The following ENOSF1 variants were observed in gnomAD, a reference collection of about 807,000 sequenced individuals.
ENOSF1 encodes the protein mitochondrial enolase superfamily member 1.
A neutral mutation model predicts 68.2 loss-of-function variants in ENOSF1; 73 were observed. The ratio of observed to expected loss-of-function variants is 1.07; its 90% CI spans 0.89 to 1.30. ENOSF1 has a LOEUF of 1.30. Among genes scored for constraint, ENOSF1 ranks in the 50% most tolerant of loss-of-function variants. The pLI is 0.00. For synonymous variants in ENOSF1, 223 were observed against 210.4 expected (o/e 1.06, Z -0.52); for missense variants, 589 against 554.5 (o/e 1.06, Z -0.62).
intron 5 of ENOSF1, 112 bp from the exon 6 acceptor site, chr18:691,388 C>A: frequency 1.2e-6 from 1 of 859,754 alleles, no homozygotes; most frequent in African/African-American, 1.7e-5. Flanking sequence ...CTCTGTTGCC[C>A]AGGCTGGAGT....
downstream of ENOSF1, among the ~76,000 whole-genome samples, chr18:667,358 TGATGGA>T (rs1318751891): frequency 3.1e-4 from 8 of 25,414 alleles, no homozygotes; most frequent in South Asian, 5.0e-3. Flanking sequence ...ATGGTGATGG[TGATGGA>T]GATGGTGATG....
intron 1 of ENOSF1, chr18:712,252 C>T (rs1476831126): frequency 6.6e-7 from 1 of 1,520,166 alleles, no homozygotes; most frequent in Non-Finnish European, 8.8e-7. Flanking sequence ...CCCCCAGGCG[C>T]GCCTCCCACT....
chr18:685,356 A>T (rs935316645), intron 10 of ENOSF1, among the ~76,000 whole-genome samples: 9 of 143,630 alleles, frequency 6.3e-5, no homozygotes, highest in Non-Finnish European at 1.1e-4. Flanking sequence ...TGACTTCATT[A>T]AAAAAAAAAA....
chr18:693,940 A>T (rs565248240), intron 4 of ENOSF1, 32 bp from the exon 5 acceptor site: 3 of 1,612,248 alleles, frequency 1.9e-6, no homozygotes, highest in Non-Finnish European at 2.5e-6. Context: ...TTTGTAAGAC[A>T]TATGTGTAAA....
Position 706,574 on chromosome 18 carries a change from G to A in ENOSF1, c.89C>T (p.Thr30Met), listed in dbSNP as rs140842890. The change falls in exon 2 of 16, where the codon ACG (threonine) becomes ATG (methionine). Residue 30 changes from threonine (T) to methionine (M), a missense_variant. Thr to Met is a moderately conservative substitution (Grantham distance 81). Transcript: ENST00000647584. ...LGGHGADAMH[T>M]DPDYSAAYVV... ...ATAGGCAGCCGAGTAGTCAGGGTCC[G>A]TGTGCTGCAGGAGAAGAGTTCCCCG... 8.7e-5 allele frequency: 141 copies of A among 1,612,056 alleles called. No individual in the cohort carries two copies. Among genetic ancestry groups the A allele is most frequent in the African/African-American group, 6.7e-4 (50 of 74,912 alleles).
intron 10 of ENOSF1, 124 bp downstream of exon 10, chr18:685,797 C>T (rs2847329): frequency 0.58 from 464,912 of 794,744 alleles, 137,812 homozygotes; most frequent in African/African-American, 0.79. Flanking sequence ...ACTGCAAGAC[C>T]ACAGAAGTGT....
At chr18:704,583 T>C (rs1169339009) in intron 2 of ENOSF1, among the ~76,000 whole-genome samples, 4 of 151,344 alleles carry the variant, frequency 2.6e-5, no homozygotes, top group Non-Finnish European at 5.9e-5. Context: ...GCTCCTTGTA[T>C]GTGGGATTCT....
chr18:679,058 C>T (rs943610819), intron 11 of ENOSF1, among the ~76,000 whole-genome samples: 4 of 152,148 alleles, frequency 2.6e-5, no homozygotes, highest in Non-Finnish European at 5.9e-5. Flanking sequence ...CTCCAGCCTG[C>T]GCAGTGGCAT....
intron 11 of ENOSF1, among the ~76,000 whole-genome samples, chr18:681,748 C>G (rs1299112492): frequency 2.0e-5 from 3 of 152,204 alleles, no homozygotes; most frequent in Admixed American, 6.5e-5. Context: ...AACTTTTCTA[C>G]TGTGCTTGGC....
intron 3 of ENOSF1, among the ~76,000 whole-genome samples, chr18:696,568 C>T (rs2077759600): frequency 6.6e-6 from 1 of 152,072 alleles, no homozygotes; most frequent in Non-Finnish European, 1.5e-5. Context: ...AGAGATTGCC[C>T]ATTTAGTACT....
intron 11 of ENOSF1, among the ~76,000 whole-genome samples, chr18:682,374 T>TA (rs1015763033): frequency 2.0e-5 from 3 of 152,094 alleles, no homozygotes; most frequent in Non-Finnish European, 2.9e-5. Flanking sequence ...TAAACATACT[T>TA]AAACATAGGA....
chr18:712,295 T>C (rs1285374141), intron 1 of ENOSF1: 3 of 1,521,798 alleles, frequency 2.0e-6, no homozygotes, highest in South Asian at 1.2e-5. Context: ...GTCGGGAAGC[T>C]GCCCGGGGCC....
intron 2 of ENOSF1, among the ~76,000 whole-genome samples, chr18:704,225 G>A (rs1315683829): frequency 1.3e-5 from 2 of 151,948 alleles, no homozygotes; most frequent in African/African-American, 4.8e-5. Context: ...TTTGAAGTCA[G>A]GAGACCGGCC....
chr18:673,190 C>A lies in ENOSF1; in HGVS notation c.*1115G>T. 1 of 512,480 alleles carries A rather than the reference C, an allele frequency of 2.0e-6. No homozygotes were observed. The highest frequency in any genetic ancestry group is 3.2e-6 in the Non-Finnish European group (1 of 310,438). 31.7% of individuals were successfully genotyped at this position (512,480 alleles called of 1,614,324 possible). ...TGCCAGTTCTTTCCATAATAAAAGGCTTTGAGTTAACTCACTGAGGGTATC... is the reference window on the plus strand; with the variant it reads ...TGCCAGTTCTTTCCATAATAAAAGGATTTGAGTTAACTCACTGAGGGTATC... On this transcript the variant is annotated 3_prime_UTR_variant, in exon 16 of 16. Transcript: ENST00000647584.
At position 674,009 on chromosome 18, in the gene ENOSF1, A is replaced by C. The variant is rs1326351863; in HGVS notation, c.*296T>G. The C allele has an allele frequency of 4.4e-6, 1 of 224,816 alleles. No individual in the cohort carries two copies. Among genetic ancestry groups the C allele is most frequent in the Non-Finnish European group, 8.6e-6 (1 of 115,944 alleles). 13.9% of individuals were successfully genotyped at this position (224,816 alleles called of 1,614,324 possible). ...GTTATGCAACATGTTGCTTATTTTC[A>C]AATTACAGTTTAATGTCTAGGTGCC... On this transcript the variant is annotated 3_prime_UTR_variant, in exon 16 of 16. Coordinates refer to ENST00000647584, the MANE Select transcript of ENOSF1 (RefSeq NM_017512.7).
chr18:693,450 C>G, intron 5 of ENOSF1: 1 of 985,052 alleles, frequency 1.0e-6, no homozygotes, highest in Non-Finnish European at 1.2e-6. Flanking sequence ...ATTGGGATTA[C>G]AGGCTTGAGC....
rs763974709 is a variant in ENOSF1 at position 691,162 on chromosome 18, T to C, written c.496+42A>G. On this transcript the variant is annotated intron_variant, in intron 6 of 15. Transcript: ENST00000647584. The stretch of plus-strand genomic sequence containing the variant: ...TTTAGGAAACAAAGCATGCCACTAC[T>C]GTGTGTGCACGTCGTGTATCCCAGA... 6 of 1,613,060 alleles carry C rather than the reference T, an allele frequency of 3.7e-6. No homozygotes were observed. In the East Asian group the frequency reaches 1.3e-4, roughly 36 times the overall value.
At chr18:710,854 G>T (rs568873415) in intron 1 of ENOSF1, among the ~76,000 whole-genome samples, 9 of 152,242 alleles carry the variant, frequency 5.9e-5, no homozygotes, top group African/African-American at 1.9e-4. Flanking sequence ...ATGAGATCGA[G>T]TGTTTGGATT....
chr18:691,142 G>A lies in ENOSF1; in HGVS notation c.497-36C>T, dbSNP rs539484904. ...TAAAAAGCATCACTCACTCTTTTAG[G>A]AAACAAAGCATGCCACTACTGTGTG... On this transcript the variant is annotated intron_variant, in intron 6 of 15. Coordinates refer to ENST00000647584, the MANE Select transcript of ENOSF1 (RefSeq NM_017512.7). 6 of 1,613,910 alleles carry A rather than the reference G, an allele frequency of 3.7e-6. No homozygotes were observed. In the African/African-American group the frequency reaches 8.0e-5, roughly 22 times the overall value.
Sources: allele counts gnomAD v4.1 joint callset (sites outside exome capture counted in the v4.1 genomes callset), GRCh38; gene constraint gnomAD v4.1.1; transcripts MANE v1.5; gene names NCBI Gene and HGNC (gene_info 2026-07-23, HGNC 2026-07-21).